Variants in GSDMC observed in about 807,000 individuals in gnomAD.
The protein encoded by GSDMC is gasdermin-C.
Under a neutral mutation model 58.0 loss-of-function variants are expected in GSDMC, and 59 were observed. That is an observed-to-expected ratio of 1.02 (90% confidence interval 0.82 to 1.26). The LOEUF (loss-of-function observed/expected upper bound fraction) is 1.26. Among genes scored for constraint, GSDMC ranks in the 50% most tolerant of loss-of-function variants. The pLI is 0.00. For missense variants in GSDMC, 659 were observed against 598.5 expected, an observed-to-expected ratio of 1.10 and a Z score of -1.06; for synonymous variants, 241 against 220.2, an observed-to-expected ratio of 1.09 and a Z score of -0.83.
intron 12 of GSDMC, 93 bp downstream of exon 12, chr8:129,749,897 A>G: frequency 9.9e-7 from 1 of 1,010,930 alleles, no homozygotes; most frequent in Non-Finnish European, 1.5e-6. Context: ...TGGCATTCAA[A>G]GGGCTTTGGA....
intron 6 of GSDMC, among the ~76,000 whole-genome samples, chr8:129,759,980 T>C (rs557865207): frequency 1.3e-5 from 2 of 152,282 alleles, no homozygotes; most frequent in Admixed American, 1.3e-4. Flanking sequence ...AACAGATGAA[T>C]GTATAAAGAA....
chr8:129,776,738 C>CTGCTGCTGTTGTTGTTGT (rs774217991), intron 2 of GSDMC, among the ~76,000 whole-genome samples: 3 of 150,900 alleles, frequency 2.0e-5, no homozygotes, highest in African/African-American at 7.3e-5. Flanking sequence ...TTGGTTTTTG[C>CTGCTGCTGTTGTTGTTGT]TGTTGTTGTT....
At chr8:129,738,366 T>G in the GSDMC span, among the ~76,000 whole-genome samples, 2 of 152,222 alleles carry the variant, frequency 1.3e-5, no homozygotes, top group African/African-American at 4.8e-5. Context: ...ATATGTTTAT[T>G]GTGGCACTAT....
chr8:129,709,250 A>G, the GSDMC span, among the ~76,000 whole-genome samples: 2 of 151,998 alleles, frequency 1.3e-5, no homozygotes, highest in Non-Finnish European at 2.9e-5. Flanking sequence ...TGCTACTGTG[A>G]AAAAGGGATG....
the GSDMC span, among the ~76,000 whole-genome samples, chr8:129,719,227 T>C: frequency 2.6e-5 from 4 of 152,274 alleles, no homozygotes; most frequent in Non-Finnish European, 4.4e-5. Context: ...TTTGGCTATA[T>C]TAAATTCAGA....
At position 129,752,127 on chromosome 8, in the gene GSDMC, A is replaced by G. The variant is rs1272193294; in HGVS notation, c.865T>C (p.Phe289Leu). The change falls in exon 8 of 14, where the codon TTT becomes CTT. Residue 289 changes from phenylalanine (F) to leucine (L), a missense_variant. Transcript: ENST00000276708. ...LKPELFLTQQ[F>L]LSGHLPKYEQ... ...TCACTTGGCAAATGCCCGCTCAAAA[A>G]TTGCTGTGTCAGAAATAGCTCTGGA... The G allele has an allele frequency of 1.9e-6, 3 of 1,613,436 alleles. No individual in the cohort carries two copies. Among genetic ancestry groups the G allele is most frequent in the East Asian group, 4.5e-5 (2 of 44,882 alleles).
the GSDMC span, among the ~76,000 whole-genome samples, chr8:129,718,441 C>T: frequency 6.6e-6 from 1 of 152,198 alleles, no homozygotes; most frequent in Admixed American, 6.5e-5. Context: ...CATCTCATCA[C>T]TAGTCATTAG....
chr8:129,750,716 T>A (rs1373491136), intron 10 of GSDMC, 146 bp from the exon 11 acceptor site: 1 of 729,920 alleles, frequency 1.4e-6, no homozygotes, highest in East Asian at 2.5e-5. Flanking sequence ...GCTAATGGCA[T>A]GCTTGAGCTT....
At chr8:129,725,882 T>C in the GSDMC span, among the ~76,000 whole-genome samples, 1 of 152,164 alleles carries the variant, frequency 6.6e-6, no homozygotes, top group Non-Finnish European at 1.5e-5. Flanking sequence ...CCCTAATCAA[T>C]ACAGTCTTTT....
At chr8:129,750,713 G>C (rs2033156034) in intron 10 of GSDMC, 143 bp from the exon 11 acceptor site, 1 of 730,186 alleles carries the variant, frequency 1.4e-6, no homozygotes, top group Non-Finnish European at 2.3e-6. Context: ...TCTGCTAATG[G>C]CATGCTTGAG....
At position 129,752,243 on chromosome 8, in the gene GSDMC, C is replaced by T. The variant is rs1043596678; in HGVS notation, c.845-96G>A. The T allele has an allele frequency of 1.0e-5, 9 of 894,210 alleles. No homozygotes were observed. The Admixed American group carries it at 1.6e-4, about 16-fold the overall frequency. The allele number at this position is 894,210 out of a possible 1,614,324, so 55.4% of individuals were successfully genotyped here. ...TCCCTCTTGGTCTCACCTCTAACTCCTCTATCCTCCCCTTATTTCTCACAT... is the reference window on the plus strand; with the variant it reads ...TCCCTCTTGGTCTCACCTCTAACTCTTCTATCCTCCCCTTATTTCTCACAT... On this transcript the variant is annotated intron_variant, in intron 7 of 13. Coordinates refer to ENST00000276708, the MANE Select transcript of GSDMC (RefSeq NM_031415.3).
downstream of GSDMC, among the ~76,000 whole-genome samples, chr8:129,746,389 G>A (rs2032962255): frequency 1.3e-5 from 2 of 152,158 alleles, no homozygotes; most frequent in South Asian, 2.1e-4. Flanking sequence ...GGAAAGAGCT[G>A]CCGTGATCTC....
intron 3 of GSDMC, 148 bp downstream of exon 3, chr8:129,775,954 T>C: frequency 3.3e-6 from 2 of 612,770 alleles, no homozygotes; most frequent in Non-Finnish European, 5.7e-6. Context: ...AAGGGAGGTA[T>C]GAATACTCAA....
intron 6 of GSDMC, among the ~76,000 whole-genome samples, chr8:129,758,946 T>C (rs2033548759): frequency 6.6e-6 from 1 of 152,030 alleles, no homozygotes; most frequent in South Asian, 2.1e-4. Context: ...AAGAATCACA[T>C]TACCTGACTC....
chr8:129,730,127 C>A, the GSDMC span: 1 of 977,362 alleles, frequency 1.0e-6, no homozygotes, highest in Non-Finnish European at 1.5e-6. Flanking sequence ...TGAATGCCAA[C>A]AAGAGAGATC....
the GSDMC span, among the ~76,000 whole-genome samples, chr8:129,726,769 C>A: frequency 7.3e-6 from 1 of 136,428 alleles, no homozygotes; most frequent in Non-Finnish European, 1.6e-5. Flanking sequence ...AGTCCCTCCC[C>A]CCACCCACCC....
intron 12 of GSDMC, 46 bp from the exon 13 acceptor site, chr8:129,749,571 G>C: frequency 1.4e-6 from 2 of 1,425,188 alleles, no homozygotes; most frequent in South Asian, 1.1e-5. Context: ...GAAGAATCCA[G>C]ATTTTTCCTC....
chr8:129,767,079 T>A (rs1238957725), intron 3 of GSDMC, among the ~76,000 whole-genome samples: 1 of 152,002 alleles, frequency 6.6e-6, no homozygotes, highest in African/African-American at 2.4e-5. Context: ...CCAGGAAGTA[T>A]GGTAGGCAGT....
intron 3 of GSDMC, among the ~76,000 whole-genome samples, chr8:129,766,631 T>C (rs2033870126): frequency 6.6e-6 from 1 of 152,156 alleles, no homozygotes; most frequent in East Asian, 1.9e-4. Context: ...TGTCTAAGCT[T>C]CCAACTCACT....
Sources: gnomAD v4.1 joint callset for allele counts (sites outside exome capture counted in the v4.1 genomes callset) on GRCh38, gnomAD v4.1.1 for gene constraint, MANE v1.5 for transcripts, NCBI Gene and HGNC (gene_info 2026-07-23, HGNC 2026-07-21) for gene names.